LRRC72: variants seen among roughly 807,000 people sequenced by gnomAD.
The protein encoded by LRRC72 is leucine rich repeat containing 72.
A neutral mutation model predicts 35.8 loss-of-function variants in LRRC72; 41 were observed. The observed-to-expected ratio is 1.15, with a 90% confidence interval of 0.89 to 1.49. The LOEUF is 1.49. Among genes scored for constraint, LRRC72 ranks in the 40% most tolerant of loss-of-function variants. The pLI, the probability that LRRC72 is intolerant of heterozygous loss-of-function variation, is 0.00. For missense variants in LRRC72, 389 were observed against 330.7 expected (o/e 1.18, Z -1.37); for synonymous variants, 118 against 119.2 (o/e 0.99, Z 0.07).
At chr7:16,565,082 C>G (rs982384969) in intron 5 of LRRC72, among the ~76,000 whole-genome samples, 1 of 152,138 alleles carries the variant, frequency 6.6e-6, no homozygotes, top group Non-Finnish European at 1.5e-5. Context: ...TCTAGTGGTT[C>G]TCCTTATTAG....
intron 7 of LRRC72, among the ~76,000 whole-genome samples, chr7:16,572,780 A>G (rs1305932241): frequency 1.3e-5 from 2 of 152,180 alleles, no homozygotes; most frequent in East Asian, 1.9e-4. Flanking sequence ...CCTATTCAAC[A>G]TAGTATTGAA....
At chr7:16,553,821 C>T (rs924901676) in intron 3 of LRRC72, among the ~76,000 whole-genome samples, 2 of 152,132 alleles carry the variant, frequency 1.3e-5, no homozygotes, top group Admixed American at 6.5e-5. Flanking sequence ...CCTAGTAGTA[C>T]CCTAGTGATT....
rs146675141 is a variant in LRRC72, at chr7:16,563,690, T to C, written c.428-2623T>C. On this transcript the variant is annotated intron_variant, in intron 5 of 8. Transcript: ENST00000401542. Reference sequence around the variant, plus strand: ...CCAAAATGTTAAATGTTTAATAGTATAGAAGGAAAAAATAGAGTTAAAAAT... The same window carrying C: ...CCAAAATGTTAAATGTTTAATAGTACAGAAGGAAAAAATAGAGTTAAAAAT... Among the ~76,000 whole-genome samples the C allele has an allele frequency of 2.7e-4, 41 of 152,266 alleles. No homozygotes were observed. In the East Asian group the frequency reaches 6.0e-3, roughly 22 times the overall value.
At chr7:16,537,379 A>G (rs1782275514) in intron 2 of LRRC72, among the ~76,000 whole-genome samples, 1 of 152,226 alleles carries the variant, frequency 6.6e-6, no homozygotes, top group Non-Finnish European at 1.5e-5. Flanking sequence ...AATGAGGTGT[A>G]AATTTTTGCT....
chr7:16,528,566 C>T (rs895289769), intron 1 of LRRC72, among the ~76,000 whole-genome samples: 3 of 152,106 alleles, frequency 2.0e-5, no homozygotes, highest in Admixed American at 6.5e-5. Flanking sequence ...AAACACACCC[C>T]ATGTCATATC....
intron 5 of LRRC72, among the ~76,000 whole-genome samples, chr7:16,561,858 A>T (rs1309680340): frequency 6.6e-6 from 1 of 152,228 alleles, no homozygotes. Context: ...TTGCAATCAC[A>T]GATTAGCTTT....
intron 3 of LRRC72, among the ~76,000 whole-genome samples, chr7:16,541,944 G>GACAGACAGACACACACACACACAC (rs1554393676): frequency 2.7e-5 from 4 of 149,364 alleles, no homozygotes; most frequent in African/African-American, 9.8e-5. Flanking sequence ...CAGACAGACA[G>GACAGACAGACACACACACACACAC]ACACACACAC....
At chr7:16,546,112 C>G (rs771030974) in intron 3 of LRRC72, among the ~76,000 whole-genome samples, 12 of 152,010 alleles carry the variant, frequency 7.9e-5, no homozygotes, top group Non-Finnish European at 1.5e-4. Context: ...TTTTTTACTC[C>G]TATATAATTT....
intron 7 of LRRC72, among the ~76,000 whole-genome samples, chr7:16,568,337 C>T (rs1022862063): frequency 1.3e-5 from 2 of 151,834 alleles, no homozygotes; most frequent in East Asian, 1.9e-4. Context: ...TATGACACTT[C>T]GCCAAAGAGA....
At chr7:16,550,483 C>A (rs1194980472) in intron 3 of LRRC72, among the ~76,000 whole-genome samples, 1 of 152,136 alleles carries the variant, frequency 6.6e-6, no homozygotes, top group Admixed American at 6.5e-5. Flanking sequence ...TACTCCTTTT[C>A]TTTATGTTGT....
intron 7 of LRRC72, among the ~76,000 whole-genome samples, chr7:16,576,613 A>C (rs1291031290): frequency 6.6e-6 from 1 of 152,208 alleles, no homozygotes; most frequent in African/African-American, 2.4e-5. Flanking sequence ...CAATATTCTC[A>C]GAACCAAAAC....
intron 7 of LRRC72, among the ~76,000 whole-genome samples, chr7:16,575,717 CTT>C (rs1783028610): frequency 6.6e-6 from 1 of 152,124 alleles, no homozygotes; most frequent in Non-Finnish European, 1.5e-5. Flanking sequence ...CTTCCTTTTA[CTT>C]CATGTGAGAG....
intron 1 of LRRC72, among the ~76,000 whole-genome samples, chr7:16,531,158 G>C (rs934136988): frequency 2.0e-5 from 3 of 151,060 alleles, no homozygotes; most frequent in Non-Finnish European, 2.9e-5. Context: ...ACTCCAGCCT[G>C]GGCAACAGAG....
intron 5 of LRRC72, among the ~76,000 whole-genome samples, chr7:16,563,473 G>A (rs962691890): frequency 2.0e-5 from 3 of 152,168 alleles, no homozygotes; most frequent in Non-Finnish European, 4.4e-5. Context: ...AAGTAGCCTA[G>A]AGGGAAGGTG....
intron 3 of LRRC72, 88 bp from the exon 4 acceptor site, chr7:16,557,272 T>C (rs1186101824): frequency 3.1e-6 from 1 of 318,580 alleles, no homozygotes; most frequent in East Asian, 5.6e-5. Flanking sequence ...ATTAAATATA[T>C]ATTATTTATG....
chr7:16,543,601 G>A (rs1253569526), intron 3 of LRRC72, among the ~76,000 whole-genome samples: 1 of 152,134 alleles, frequency 6.6e-6, no homozygotes, highest in Admixed American at 6.5e-5. Context: ...GGTGGATCCT[G>A]AACTGTCTAA....
At chr7:16,535,408 A>C (rs1324440688) in intron 2 of LRRC72, among the ~76,000 whole-genome samples, 1 of 152,162 alleles carries the variant, frequency 6.6e-6, no homozygotes, top group Non-Finnish European at 1.5e-5. Context: ...ATAGAAGAGG[A>C]GGGAACAGAT....
chr7:16,563,762 A>G (rs1012423021), intron 5 of LRRC72, among the ~76,000 whole-genome samples: 1 of 152,214 alleles, frequency 6.6e-6, no homozygotes, highest in Non-Finnish European at 1.5e-5. Flanking sequence ...AGTGAATAAT[A>G]ATGATGAAAT....
chr7:16,547,145 G>A (rs911198239), intron 3 of LRRC72, among the ~76,000 whole-genome samples: 2 of 152,166 alleles, frequency 1.3e-5, no homozygotes, highest in East Asian at 3.9e-4. Context: ...TTGGGAACCT[G>A]TGATTACCCA....
Sources: allele counts gnomAD v4.1 joint callset (sites outside exome capture counted in the v4.1 genomes callset), GRCh38; gene constraint gnomAD v4.1.1; transcripts MANE v1.5; gene names NCBI Gene and HGNC (gene_info 2026-07-23, HGNC 2026-07-21).